TNRC6C: variants seen among roughly 807,000 people sequenced by gnomAD.
TNRC6C encodes the protein trinucleotide repeat-containing gene 6C protein.
TNRC6C carries 20 observed loss-of-function variants against 153.7 expected under a neutral mutation model. That is an observed-to-expected ratio of 0.13 (90% CI 0.09 to 0.19). The LOEUF is 0.19. TNRC6C is among the 10% of genes least tolerant of loss of function. TNRC6C has a pLI of 1.00. For missense variants in TNRC6C, 1,987 were observed against 2,172.0 expected (o/e 0.91, Z 1.69); for synonymous variants, 811 against 841.4 (o/e 0.96, Z 0.63).
intron 10 of TNRC6C, among the ~76,000 whole-genome samples, chr17:78,081,627 A>G (rs1799897813): frequency 6.6e-6 from 1 of 152,192 alleles, no homozygotes; most frequent in African/African-American, 2.4e-5. Context: ...TGACTCTGCC[A>G]TAGCCACTTC....
chr17:78,000,618 G>GGCCCCC (rs1555628252), upstream of TNRC6C, among the ~76,000 whole-genome samples: 1 of 13,046 alleles, frequency 7.7e-5, no homozygotes, highest in Non-Finnish European at 1.3e-4. Context: ...TTCTCCCTCC[G>GGCCCCC]CCCCCCCCCC....
intron 1 of TNRC6C, among the ~76,000 whole-genome samples, chr17:77,977,006 T>C (rs974128217): frequency 9.2e-5 from 11 of 118,986 alleles, no homozygotes; most frequent in African/African-American, 3.7e-4. Context: ...AGGAAAAAAA[T>C]AGAATGCTTA....
intron 1 of TNRC6C, among the ~76,000 whole-genome samples, chr17:78,006,561 CCTTCTTCCTTCTTCCTT>C (rs1471266066): frequency 5.4e-5 from 6 of 112,138 alleles, no homozygotes; most frequent in Admixed American, 3.0e-4. Context: ...TCTTCTTCTT[CCTTCTTCCTTCTTCCTT>C]CTTCTTCCTT....
chr17:78,015,132 A>C (rs1275207046), intron 1 of TNRC6C, among the ~76,000 whole-genome samples: 1 of 152,218 alleles, frequency 6.6e-6, no homozygotes, highest in East Asian at 1.9e-4. Context: ...TTATTCTGAA[A>C]TGACTAGAAT....
At chr17:78,017,746 T>C (rs2071755114) in intron 1 of TNRC6C, among the ~76,000 whole-genome samples, 1 of 152,230 alleles carries the variant, frequency 6.6e-6, no homozygotes, top group African/African-American at 2.4e-5. Flanking sequence ...TCCAGCCTCC[T>C]GTGAAACAAC....
Position 78,104,570 on chromosome 17 carries a change from C to T in TNRC6C, c.4798C>T (p.Pro1600Ser). Residue 1600 changes from proline to serine, a missense_variant, in exon 20 of 20, where the codon CCA (proline) becomes TCA (serine). Physicochemically the swap from Pro to Ser is moderately conservative, Grantham distance 74. Coordinates refer to ENST00000301624, the Ensembl canonical transcript of TNRC6C. This position sits in a 1 kb window ranked among gnomAD's most constrained non-coding sequence, Gnocchi z 6.2. ...CTTCTTAGCCCAAGGCCAGGCGCTG[C>T]CACCCACTTCCAGCTGGCAGTCCAG... 1 of 1,552,370 alleles carries T rather than the reference C, an allele frequency of 6.4e-7. No individual in the cohort carries two copies.
intron 19 of TNRC6C, among the ~76,000 whole-genome samples, chr17:78,103,763 A>G (rs2073639293): frequency 1.3e-5 from 2 of 152,168 alleles, no homozygotes; most frequent in South Asian, 4.1e-4. Context: ...TTGGCTGTAG[A>G]CAGCTGCCTT....
intron 11 of TNRC6C, 146 bp downstream of exon 13, chr17:78,083,312 T>G: frequency 8.7e-7 from 1 of 1,146,658 alleles, no homozygotes; most frequent in Non-Finnish European, 1.2e-6. Flanking sequence ...TCTTCATGAG[T>G]TAGGGAGTTC....
In TNRC6C at chr17:78,096,945, A is replaced by G. The variant is rs193080625; in HGVS notation, c.4307-1398A>G. Among the ~76,000 whole-genome samples the G allele has an allele frequency of 1.5e-3, 224 of 152,358 alleles. 1 individual carries two copies. The highest frequency in any genetic ancestry group is 4.5e-3 in the African/African-American group (189 of 41,598). ...CCCATTTATCCTAAGTCTCCCTTTC[A>G]GGCACAGGGACAAGCTTTCCTCAAA... is the stretch of plus-strand genomic sequence containing the variant. On this transcript the variant is annotated intron_variant, in intron 16 of 19. Transcript: ENST00000301624.
rs1358845623 is a variant in TNRC6C at position 77,979,816 on chromosome 17, C to G, written c.-38+20548C>G. On this transcript the variant is annotated intron_variant, in intron 1 of 22. Transcript: ENST00000636222. ...AAAACAAAGAAAATCTTAAAATCAG[C>G]CAAAGGAGGAAAAAGATACATTACC... Among the ~76,000 whole-genome samples the G allele has an allele frequency of 2.6e-5, 4 of 151,870 alleles. No individual in the cohort carries two copies. In the East Asian group the frequency reaches 7.7e-4, roughly 29 times the overall value.
At chr17:78,011,327 C>T (rs779392683) in intron 1 of TNRC6C, among the ~76,000 whole-genome samples, 5 of 152,146 alleles carry the variant, frequency 3.3e-5, no homozygotes, top group African/African-American at 4.8e-5. Context: ...TTTTCTGATC[C>T]ATCTCCTCTG....
intron 3 of TNRC6C, among the ~76,000 whole-genome samples, chr17:78,058,248 A>G (rs1489525400): frequency 6.6e-6 from 1 of 152,228 alleles, no homozygotes; most frequent in Non-Finnish European, 1.5e-5. Context: ...ATGTGGCAGA[A>G]AGGGAGAAAG....
rs537887612 is a variant in TNRC6C, at chr17:78,050,321, G to A, written c.1259G>A (p.Arg420Gln). Residue 420 changes from arginine to glutamine, a missense_variant, in exon 3 of 20, where the codon CGA becomes CAA. Arg to Gln is a conservative substitution (Grantham distance 43). Transcript: ENST00000301624. ...GGGAGGGAAGGAACGGGAGAAGGCC[G>A]AAGGCGAGATAAAGGGATTATAGAC... 36 of 1,585,226 alleles carry A rather than the reference G, an allele frequency of 2.3e-5. No individual in the cohort carries two copies. Among genetic ancestry groups the A allele is most frequent in the South Asian group, 1.5e-4 (13 of 86,180 alleles).
At chr17:78,078,026 A>G (rs970396296) in intron 9 of TNRC6C, among the ~76,000 whole-genome samples, 1 of 152,048 alleles carries the variant, frequency 6.6e-6, no homozygotes, top group Non-Finnish European at 1.5e-5. Flanking sequence ...ACACACACAC[A>G]CCGCTTGGAG....
rs376131938 is a variant in TNRC6C, at chr17:78,016,852, C to A, written c.-546+11773C>A. On this transcript the variant is annotated intron_variant, in intron 1 of 19. Transcript: ENST00000301624. ...TAGCAATCAATCCTCAAGGAACTCT[C>A]TCAGTAAGGGATTCTTAGCTCCCTT... Among the ~76,000 whole-genome samples the A allele has an allele frequency of 3.3e-5, 5 of 152,348 alleles. No individual in the cohort carries two copies. The South Asian group carries it at 8.3e-4, about 25-fold the overall frequency.
chr17:78,067,178 A>G (rs2072898364), intron 4 of TNRC6C: 1 of 152,054 alleles, frequency 6.6e-6, no homozygotes, highest in African/African-American at 2.4e-5. Context: ...CCCCATCTCT[A>G]TTAAAAAGAA....
chr17:77,979,768 G>T (rs2071048122), intron 1 of TNRC6C, among the ~76,000 whole-genome samples: 1 of 151,636 alleles, frequency 6.6e-6, no homozygotes, highest in Non-Finnish European at 1.5e-5. Flanking sequence ...CAAAAATAAA[G>T]GGAAAAGAGA....
chr17:78,044,980 C>T (rs2143913989), intron 2 of TNRC6C, among the ~76,000 whole-genome samples: 1 of 152,264 alleles, frequency 6.6e-6, no homozygotes, highest in South Asian at 2.1e-4. Flanking sequence ...TTTAACAGCC[C>T]TGTCTTTGGG....
intron 1 of TNRC6C, among the ~76,000 whole-genome samples, chr17:77,984,368 A>C (rs867771979): frequency 0.033 from 4,649 of 142,390 alleles, 145 homozygotes; most frequent in African/African-American, 0.089. Context: ...AAAAAAAAAA[A>C]CAAAAAAAAA....
Sources: allele counts gnomAD v4.1 joint callset (sites outside exome capture counted in the v4.1 genomes callset), GRCh38; gene constraint gnomAD v4.1.1; non-coding constraint Gnocchi (gnomAD v3.1); transcripts MANE v1.5; gene names NCBI Gene and HGNC (gene_info 2026-07-23, HGNC 2026-07-21).